Variants in SF3B3 observed in about 807,000 individuals in gnomAD.
The protein encoded by SF3B3 is SAP 130.
A neutral mutation model predicts 139.2 loss-of-function variants in SF3B3; 33 were observed. That is an observed-to-expected ratio of 0.24 (90% CI 0.18 to 0.32). The LOEUF (loss-of-function observed/expected upper bound fraction) is 0.32. Among genes scored for constraint, SF3B3 ranks in the 10% least tolerant of loss-of-function variants. SF3B3 has a pLI of 1.00. For synonymous variants in SF3B3, 596 were observed against 563.6 expected (o/e 1.06, Z -0.81); for missense variants, 818 against 1,509.4 (o/e 0.54, Z 7.59).
intron 10 of SF3B3, among the ~76,000 whole-genome samples, chr16:70,547,783 G>A (rs1157292628): frequency 6.6e-6 from 1 of 152,152 alleles, no homozygotes; most frequent in African/African-American, 2.4e-5. Context: ...GCAGAGACGG[G>A]TTTCACCGTG....
intron 11 of SF3B3, among the ~76,000 whole-genome samples, chr16:70,552,941 C>T (rs547339339): frequency 9.2e-5 from 14 of 152,340 alleles, no homozygotes; most frequent in Admixed American, 6.5e-4. Context: ...GAGACAGTCT[C>T]ATTCTGTCAC....
At chr16:70,547,810 G>A (rs1243285087) in intron 10 of SF3B3, among the ~76,000 whole-genome samples, 1 of 152,140 alleles carries the variant, frequency 6.6e-6, no homozygotes, top group African/African-American at 2.4e-5. Context: ...AGCTGGTCTT[G>A]AACTCCTGAC....
Position 70,571,208 on chromosome 16 carries a change from G to A in SF3B3, c.3513+9G>A, listed in dbSNP as rs764560769. 2 of 1,583,370 alleles carry A rather than the reference G, an allele frequency of 1.3e-6. No homozygotes were observed. Among genetic ancestry groups the A allele is most frequent in the Non-Finnish European group, 1.7e-6 (2 of 1,151,876 alleles). On this transcript the variant is annotated intron_variant, in intron 25 of 25. Transcript: ENST00000302516. ...ACTACTTCCCTGTGAAGGTAGGTTGGGGGAATCTGAGCTGAAAAGGGAGAT... is the reference window on the plus strand; with the variant it reads ...ACTACTTCCCTGTGAAGGTAGGTTGAGGGAATCTGAGCTGAAAAGGGAGAT...
chr16:70,525,957 CAAAAAAAAAAAAA>C (rs920550920), intron 1 of SF3B3, among the ~76,000 whole-genome samples: 2 of 42,266 alleles, frequency 4.7e-5, no homozygotes, highest in South Asian at 9.7e-4. Context: ...TGAGACGCCT[CAAAAAAAAAAAAA>C]AAAAAAAAAA....
At chr16:70,544,631 G>T in intron 10 of SF3B3, 98 bp downstream of exon 10, 4 of 717,260 alleles carry the variant, frequency 5.6e-6, no homozygotes, top group Non-Finnish European at 9.9e-6. Context: ...ACATAGTTAA[G>T]GTGTCTGTGA....
At chr16:70,546,821 A>G (rs2050272888) in intron 10 of SF3B3, among the ~76,000 whole-genome samples, 1 of 152,034 alleles carries the variant, frequency 6.6e-6, no homozygotes, top group Non-Finnish European at 1.5e-5. Context: ...AGGTCAGGAG[A>G]TCGAGACCAT....
Position 70,575,196 on chromosome 16 carries a change from C to CTTTTTTTTTTTTTTTTTTTTTTT in SF3B3, c.*3403_*3404insTTTTTTTTTTTTTTTTTTTTTTT, listed in dbSNP as rs897314035. 22 of 110,010 alleles carry CTTTTTTTTTTTTTTTTTTTTTTT rather than the reference C, an allele frequency of 2.0e-4. No individual in the cohort carries two copies. The highest frequency in any genetic ancestry group is 6.6e-4 in the South Asian group (2 of 3,030). 6.8% of individuals were successfully genotyped at this position (110,010 alleles called of 1,614,324 possible). A position where few individuals can be genotyped will look rare whatever the true frequency, so the allele number is the denominator to read the frequency against. ...TTTTCTTTTTCTTTTTCTTTTTTTT[C>CTTTTTTTTTTTTTTTTTTTTTTT]TTTTTTTTTTTTTTTTTTTTGAGAT... On this transcript the variant is annotated 3_prime_UTR_variant, in exon 26 of 26. Transcript: ENST00000302516.
In SF3B3 at chr16:70,563,338, T is replaced by C. The variant is rs561515206; in HGVS notation, c.2289-538T>C. 6.6e-5 allele frequency among the ~76,000 whole-genome samples: 10 copies of C among 152,338 alleles called. No homozygotes were observed. The South Asian group carries it at 2.1e-3, about 32-fold the overall frequency. On this transcript the variant is annotated intron_variant, in intron 17 of 25. Transcript: ENST00000302516. ...ATCATTAGAGATCGGGTAACTATAC[T>C]TTTCAGAGTACCTGGGTTCTGCTCA... is the stretch of plus-strand genomic sequence containing the variant.
Position 70,556,291 on chromosome 16 carries a change from G to A in SF3B3, c.1823G>A (p.Gly608Glu). The change falls in exon 14 of 26, where the codon GGG becomes GAG. Residue 608 changes from glycine (G) to glutamate (E), a missense_variant. Coordinates refer to ENST00000302516, the MANE Select transcript of SF3B3 (RefSeq NM_012426.5). ...CAGCGGTCTCGCTTCCTGGCTGTGG[G>A]GCTTGTGGACAACACTGTCAGAATC... Reference protein sequence around the residue: ...GEQRSRFLAVGLVDNTVRIIS... With the variant: ...GEQRSRFLAVELVDNTVRIIS... 6.2e-7 allele frequency: 1 copy of A among 1,614,146 alleles called. No individual in the cohort carries two copies. The highest frequency in any genetic ancestry group is 8.5e-7 in the Non-Finnish European group (1 of 1,180,024).
At chr16:70,566,315 C>T (rs1439889865) in intron 20 of SF3B3, among the ~76,000 whole-genome samples, 1 of 152,044 alleles carries the variant, frequency 6.6e-6, no homozygotes, top group Admixed American at 6.6e-5. Context: ...GTAATCCCAG[C>T]ACTTTGGAAG....
chr16:70,561,703 A>G lies in SF3B3; in HGVS notation c.2207A>G (p.Tyr736Cys). The change falls in exon 17 of 26, where the codon TAC becomes TGC. Residue 736 changes from tyrosine to cysteine, a missense_variant. By Grantham distance (194) the Tyr-to-Cys change is radical. Transcript: ENST00000302516. ...CGCTTCCATCTCACCCCACTGTCTT[A>G]CGAGACACTGGAATTTGCATCGGGT... is the stretch of plus-strand genomic sequence containing the variant. ...QSRFHLTPLS[Y>C]ETLEFASGFA... 6.2e-7 allele frequency: 1 copy of G among 1,613,110 alleles called. No individual in the cohort carries two copies. Among genetic ancestry groups the G allele is most frequent in the Non-Finnish European group, 8.5e-7 (1 of 1,179,492 alleles).
intron 15 of SF3B3, among the ~76,000 whole-genome samples, chr16:70,559,668 CAG>C (rs1378041197): frequency 2.0e-5 from 3 of 151,704 alleles, no homozygotes; most frequent in Non-Finnish European, 2.9e-5. Context: ...GCCTGGGTGA[CAG>C]AGTGAGAACC....
chr16:70,538,654 G>A (rs1209581618), intron 7 of SF3B3, among the ~76,000 whole-genome samples, 194 bp downstream of exon 7: 3 of 152,190 alleles, frequency 2.0e-5, no homozygotes, highest in African/African-American at 7.2e-5. Flanking sequence ...GAGCGGCAAT[G>A]CCACTTGTAG....
chr16:70,571,759 C>G lies in SF3B3; in HGVS notation c.3600C>G (p.Thr1200=). ...ACGTCTCTGAAGAACTGGACCGAAC[C>G]CCACCCGAAGTGTCCAAGAAACTCG... The part of the protein sequence containing the change: ...QKNVSEELDR[T]PPEVSKKLED... The change falls in exon 26 of 26, where the codon ACC becomes ACG. Residue 1200 remains threonine (T), a synonymous_variant. Coordinates refer to ENST00000302516, the MANE Select transcript of SF3B3 (RefSeq NM_012426.5). 6.2e-7 allele frequency: 1 copy of G among 1,614,094 alleles called. No homozygotes were observed. The highest frequency in any genetic ancestry group is 8.5e-7 in the Non-Finnish European group (1 of 1,180,012).
chr16:70,554,381 G>A lies in SF3B3; in HGVS notation c.1403-65G>A, dbSNP rs182887473. On this transcript the variant is annotated intron_variant, in intron 11 of 25. Transcript: ENST00000302516. ...AAGGTTTCTGAAGAGAACTCTTAGT[G>A]TTTCATTTGGCTTTGTAATTCTAAT... 1.6e-5 allele frequency: 24 copies of A among 1,504,798 alleles called. No homozygotes were observed. In the African/African-American group the frequency reaches 2.2e-4, roughly 14 times the overall value. 93.2% of individuals were successfully genotyped at this position (1,504,798 alleles called of 1,614,324 possible).
chr16:70,542,823 G>A (rs1297783477), intron 9 of SF3B3, among the ~76,000 whole-genome samples: 2 of 150,388 alleles, frequency 1.3e-5, no homozygotes, highest in African/African-American at 2.4e-5. Flanking sequence ...CCAGGTTCAC[G>A]CCATTCTCCT....
rs1346695075 is a variant in SF3B3, at chr16:70,570,016, T to A, written c.3275T>A (p.Ile1092Asn). The A allele has an allele frequency of 3.1e-6, 5 of 1,614,058 alleles. No individual in the cohort carries two copies. Among genetic ancestry groups the A allele is most frequent in the Non-Finnish European group, 8.5e-7 (1 of 1,179,956 alleles). Residue 1092 changes from isoleucine to asparagine, a missense_variant, in exon 24 of 26, where the codon ATC becomes AAC. Ile to Asn is a moderately radical substitution (Grantham distance 149). Transcript: ENST00000302516. ...LNGASQKAEV[I>N]MNYHVGETVL... ...GTTTGTGACTCACAGGCAGAGGTGA[T>A]CATGAACTACCATGTCGGGGAGACG...
In SF3B3 at chr16:70,540,224, G is replaced by T. The variant is rs553909809; in HGVS notation, c.1067+1017G>T. Among the ~76,000 whole-genome samples the T allele has an allele frequency of 9.1e-4, 137 of 151,354 alleles. 2 individuals are homozygous for T. The South Asian group carries it at 0.028, about 31-fold the overall frequency. On this transcript the variant is annotated intron_variant, in intron 8 of 25. Coordinates refer to ENST00000302516, the MANE Select transcript of SF3B3 (RefSeq NM_012426.5). The stretch of plus-strand genomic sequence containing the variant: ...AGCCTGACCAACATGGAGAAACCCT[G>T]TCTCTACTAAAAGTACAAAATGAGC...
At chr16:70,529,995 G>A (rs1215735455) in intron 3 of SF3B3, among the ~76,000 whole-genome samples, 7 of 117,280 alleles carry the variant, frequency 6.0e-5, no homozygotes. Flanking sequence ...TTAGCTGGGT[G>A]TGGTGGTGGG....
Sources: gnomAD v4.1 joint callset for allele counts (sites outside exome capture counted in the v4.1 genomes callset) on GRCh38, gnomAD v4.1.1 for gene constraint, MANE v1.5 for transcripts, NCBI Gene and HGNC (gene_info 2026-07-23, HGNC 2026-07-21) for gene names.